Variants in MYRIP observed in about 807,000 individuals in gnomAD.
MYRIP encodes myosin VIIA and Rab interacting protein, also known as rab effector MyRIP.
A neutral mutation model predicts 98.0 loss-of-function variants in MYRIP; 49 were observed. That is an observed-to-expected ratio of 0.50 (90% CI 0.40 to 0.63). The LOEUF is 0.63. MYRIP is among the 30% of genes least tolerant of loss of function. The pLI is 0.00. For synonymous variants in MYRIP, 404 were observed against 409.5 expected (o/e 0.99, Z 0.16); for missense variants, 1,004 against 1,058.2 (o/e 0.95, Z 0.71).
rs868658275 is a variant in MYRIP, at chr3:40,134,977, T to A, written c.333-16071T>A. 2.9e-3 allele frequency among the ~76,000 whole-genome samples: 441 copies of A among 152,064 alleles called. 6 individuals carry two copies. Among genetic ancestry groups the A allele is most frequent in the East Asian group, 5.6e-3 (29 of 5,176 alleles). ...CAGAAACTCTAAAAATCAGAGCACC[T>A]CTCCTCCTCCAAAGGAACGCAGCTC... is the stretch of plus-strand genomic sequence containing the variant. On this transcript the variant is annotated intron_variant, in intron 3 of 16. Transcript: ENST00000302541.
chr3:40,043,405 CACAGAGAGAA>C (rs1335186366), intron 2 of MYRIP, among the ~76,000 whole-genome samples: 2 of 151,958 alleles, frequency 1.3e-5, no homozygotes, highest in African/African-American at 2.4e-5. Flanking sequence ...TCTCACTGAG[CACAGAGAGAA>C]GTGTATGCAC....
chr3:40,226,136 G>A (rs1171995672), intron 11 of MYRIP, among the ~76,000 whole-genome samples: 1 of 152,128 alleles, frequency 6.6e-6, no homozygotes, highest in Non-Finnish European at 1.5e-5. Context: ...GAATTTAAAA[G>A]AAAAACTGAA....
chr3:39,822,572 C>G (rs1041255639), intron 1 of MYRIP, among the ~76,000 whole-genome samples: 3 of 152,144 alleles, frequency 2.0e-5, no homozygotes, highest in African/African-American at 2.4e-5. Context: ...GATTGGATAC[C>G]TCTGCTCTAT....
intron 3 of MYRIP, among the ~76,000 whole-genome samples, chr3:40,141,828 T>C (rs959126508): frequency 6.6e-6 from 1 of 152,220 alleles, no homozygotes; most frequent in African/African-American, 2.4e-5. Context: ...GCCAGTACCA[T>C]GCTGTTTTGG....
intron 2 of MYRIP, among the ~76,000 whole-genome samples, chr3:39,996,115 C>T (rs1329530402): frequency 6.6e-6 from 1 of 152,166 alleles, no homozygotes; most frequent in African/African-American, 2.4e-5. Flanking sequence ...TAGGAAGGAA[C>T]TGCATCAACT....
intron 3 of MYRIP, among the ~76,000 whole-genome samples, chr3:40,134,034 G>T (rs1204634796): frequency 2.0e-5 from 3 of 152,218 alleles, no homozygotes; most frequent in African/African-American, 4.8e-5. Flanking sequence ...GACAGTGGGT[G>T]CAGGACAGTT....
intron 2 of MYRIP, among the ~76,000 whole-genome samples, chr3:39,987,850 C>T (rs1039822996): frequency 5.3e-5 from 8 of 152,108 alleles, no homozygotes; most frequent in African/African-American, 1.9e-4. Flanking sequence ...GCTATAAAGA[C>T]ACATGCACAC....
At chr3:40,136,503 C>T (rs995854734) in intron 3 of MYRIP, among the ~76,000 whole-genome samples, 4 of 152,092 alleles carry the variant, frequency 2.6e-5, no homozygotes, top group South Asian at 2.1e-4. Context: ...AGGATATCCA[C>T]GACTTGAACT....
intron 1 of MYRIP, among the ~76,000 whole-genome samples, chr3:39,839,994 G>T (rs930794736): frequency 6.6e-6 from 1 of 152,120 alleles, no homozygotes; most frequent in Non-Finnish European, 1.5e-5. Context: ...GGGCCACTTG[G>T]TCCAGAGCTG....
intron 2 of MYRIP, among the ~76,000 whole-genome samples, chr3:40,030,700 T>G (rs140629126): frequency 1.3e-5 from 2 of 152,184 alleles, no homozygotes; most frequent in Admixed American, 1.3e-4. Flanking sequence ...GAACACATTA[T>G]GCAAAGTGAA....
At chr3:39,854,295 G>T (rs566482756) in intron 1 of MYRIP, among the ~76,000 whole-genome samples, 3 of 152,018 alleles carry the variant, frequency 2.0e-5, no homozygotes, top group South Asian at 2.1e-4. Context: ...TCTTAGGTTT[G>T]GTCTTTTAGC....
intron 1 of MYRIP, among the ~76,000 whole-genome samples, chr3:39,858,923 T>C (rs1261372719): frequency 6.6e-6 from 1 of 152,038 alleles, no homozygotes; most frequent in Non-Finnish European, 1.5e-5. Context: ...AATAAATGTC[T>C]ACCTTAAGAA....
chr3:40,040,014 T>C (rs1024213223), intron 2 of MYRIP, among the ~76,000 whole-genome samples: 10 of 152,200 alleles, frequency 6.6e-5, no homozygotes, highest in Non-Finnish European at 1.3e-4. Context: ...CTTCTCTGTG[T>C]GTCTCTTAAA....
At position 39,885,951 on chromosome 3, in the gene MYRIP, C is replaced by T. The variant is rs761750879; in HGVS notation, c.-30-14836C>T. On this transcript the variant is annotated intron_variant, in intron 1 of 16. Coordinates refer to ENST00000302541, the MANE Select transcript of MYRIP (RefSeq NM_015460.4). ...TTTGCCTTTGGTTTGAATGTCCTCC[C>T]GTAGCTGGGAGTAATTTGATCATCT... 6.1e-4 allele frequency among the ~76,000 whole-genome samples: 93 copies of T among 151,990 alleles called. 2 individuals carry two copies. In the Middle Eastern group the frequency reaches 0.017, roughly 28 times the overall value.
intron 8 of MYRIP, among the ~76,000 whole-genome samples, chr3:40,175,922 T>A (rs904910092): frequency 6.6e-6 from 1 of 152,228 alleles, no homozygotes; most frequent in Non-Finnish European, 1.5e-5. Context: ...ACAATGCTAG[T>A]AATGCCCCCT....
At chr3:40,169,394 T>C (rs1401358125) in intron 7 of MYRIP, among the ~76,000 whole-genome samples, 1 of 152,158 alleles carries the variant, frequency 6.6e-6, no homozygotes, top group Non-Finnish European at 1.5e-5. Context: ...CCAGAGACCT[T>C]GGTACGGATG....
chr3:40,022,114 A>T (rs1018332498), intron 2 of MYRIP, among the ~76,000 whole-genome samples: 2 of 152,204 alleles, frequency 1.3e-5, no homozygotes, highest in East Asian at 1.9e-4. Flanking sequence ...TCCACTGCTC[A>T]TGCTTTATCA....
intron 3 of MYRIP, among the ~76,000 whole-genome samples, chr3:40,128,250 C>G (rs889530555): frequency 6.6e-6 from 1 of 152,132 alleles, no homozygotes; most frequent in Non-Finnish European, 1.5e-5. Flanking sequence ...GGAGAACTGA[C>G]TTATGTACAG....
chr3:40,226,507 T>G (rs925377884), intron 11 of MYRIP, among the ~76,000 whole-genome samples: 3 of 152,222 alleles, frequency 2.0e-5, no homozygotes, highest in African/African-American at 7.2e-5. Context: ...CTGCCTCCAG[T>G]TCTCCCCAGC....
Sources: allele counts gnomAD v4.1 joint callset (sites outside exome capture counted in the v4.1 genomes callset), GRCh38; gene constraint gnomAD v4.1.1; transcripts MANE v1.5; gene names NCBI Gene and HGNC (gene_info 2026-07-23, HGNC 2026-07-21).